The following SRPK2 variants were observed in gnomAD, a reference collection of about 807,000 sequenced individuals.
The protein encoded by SRPK2 is SFRS protein kinase 2.
SRPK2 carries 21 observed loss-of-function variants against 90.8 expected under a neutral mutation model. The ratio of observed to expected loss-of-function variants is 0.23; its 90% CI spans 0.16 to 0.33. The LOEUF (loss-of-function observed/expected upper bound fraction) is 0.33. SRPK2 is among the 10% of genes least tolerant of loss of function. The probability of loss-of-function intolerance (pLI) is 1.00; values close to 1 mark genes in which losing one functional copy is unlikely to be tolerated. For missense variants in SRPK2, 620 were observed against 869.0 expected (o/e 0.71, Z 3.60); for synonymous variants, 288 against 311.1 (o/e 0.93, Z 0.78).
At chr7:105,150,786 G>C (rs569659567) in intron 7 of SRPK2, among the ~76,000 whole-genome samples, 1 of 152,248 alleles carries the variant, frequency 6.6e-6, no homozygotes, top group East Asian at 1.9e-4. Flanking sequence ...AGAGGTCAAA[G>C]GAATACGATT....
intron 2 of SRPK2, among the ~76,000 whole-genome samples, chr7:105,221,656 T>A (rs1042596391): frequency 1.3e-5 from 2 of 152,148 alleles, no homozygotes; most frequent in African/African-American, 4.8e-5. Flanking sequence ...CTCCCTTATA[T>A]AACCCCCTGT....
At chr7:105,329,983 C>T (rs1383714300) in intron 2 of SRPK2, among the ~76,000 whole-genome samples, 1 of 152,000 alleles carries the variant, frequency 6.6e-6, no homozygotes, top group Non-Finnish European at 1.5e-5. Context: ...TGCAGTGAAC[C>T]GAGATCACGT....
chr7:105,268,759 TAGCA>T, intron 2 of SRPK2: 7 of 1,550,592 alleles, frequency 4.5e-6, no homozygotes, highest in Non-Finnish European at 5.3e-6. Context: ...GTTTGTTTCT[TAGCA>T]ATGCTACACC....
chr7:105,168,744 A>AGTGTGTGTGTGT (rs1165915539), intron 4 of SRPK2, among the ~76,000 whole-genome samples: 1 of 25,410 alleles, frequency 3.9e-5, no homozygotes, highest in Non-Finnish European at 1.4e-4. Context: ...ACACGCACCA[A>AGTGTGTGTGTGT]ATGTGTGTGT....
At chr7:105,152,989 G>A (rs140550650) in intron 7 of SRPK2, among the ~76,000 whole-genome samples, 10 of 152,210 alleles carry the variant, frequency 6.6e-5, no homozygotes, top group East Asian at 3.9e-4. Flanking sequence ...AGCCGAGATC[G>A]CGCCACTGCA....
chr7:105,345,382 G>A (rs942987244), intron 2 of SRPK2, among the ~76,000 whole-genome samples: 25 of 152,212 alleles, frequency 1.6e-4, no homozygotes, highest in Admixed American at 1.6e-3. Flanking sequence ...CTTCTCTCCC[G>A]TAGATTGAAA....
chr7:105,216,689 C>T (rs1246804238), intron 2 of SRPK2, among the ~76,000 whole-genome samples: 1 of 151,718 alleles, frequency 6.6e-6, no homozygotes, highest in African/African-American at 2.4e-5. Context: ...GAGAGAGACA[C>T]CACCACAACA....
chr7:105,305,762 T>C (rs948966147), intron 2 of SRPK2, among the ~76,000 whole-genome samples: 4 of 152,160 alleles, frequency 2.6e-5, no homozygotes, highest in African/African-American at 7.2e-5. Context: ...GCATGCAATG[T>C]GCATACACAA....
In SRPK2 at chr7:105,170,781, ACGGGAGGG is replaced by A. The variant is rs1790741320; in HGVS notation, c.230-1524_230-1517del. ...GAAGGAAGGAAGGAAGGAAGGAAGG[ACGGGAGGG>A]AGGGAGGGAGGGAGGGAGAGAGAGA... is the stretch of plus-strand genomic sequence containing the variant. On this transcript the variant is annotated intron_variant, in intron 3 of 15. Transcript: ENST00000393651. Among the ~76,000 whole-genome samples the A allele has an allele frequency of 2.8e-5, 2 of 71,276 alleles. 1 individual carries two copies. Among genetic ancestry groups the A allele is most frequent in the African/African-American group, 1.1e-4 (2 of 17,924 alleles). 46.8% of individuals were successfully genotyped at this position (71,276 alleles called of 152,430 possible).
chr7:105,219,304 G>A (rs1172808887), intron 2 of SRPK2, among the ~76,000 whole-genome samples: 1 of 152,106 alleles, frequency 6.6e-6, no homozygotes, highest in East Asian at 1.9e-4. Context: ...CAGGATCTTA[G>A]TCTCCTTACT....
intron 2 of SRPK2, chr7:105,298,640 T>C (rs1810154679): frequency 1.3e-6 from 1 of 796,988 alleles, no homozygotes; most frequent in East Asian, 1.3e-4. Context: ...AACAAAAGTA[T>C]CAAATAAAAA....
In SRPK2 at chr7:105,385,763, T is replaced by C. The variant is rs75871406; in HGVS notation, c.71+2885A>G. ...TCAACAGCTGGGCATGTTACTTACT[T>C]TTCCTGTGTCCCTGTTTCACCTGTA... On this transcript the variant is annotated intron_variant, in intron 2 of 15. Transcript: ENST00000393651. Among the ~76,000 whole-genome samples the C allele has an allele frequency of 4.8e-3, 735 of 152,290 alleles. 11 individuals carry two copies. In the East Asian group the frequency reaches 0.055, roughly 11 times the overall value.
intron 11 of SRPK2, among the ~76,000 whole-genome samples, chr7:105,139,149 G>C (rs897392707): frequency 4.6e-5 from 7 of 152,190 alleles, no homozygotes; most frequent in Non-Finnish European, 7.3e-5. Context: ...TAGATGATGG[G>C]GAGCTGTGGA....
At chr7:105,150,277 G>A (rs1339096913) in intron 7 of SRPK2, among the ~76,000 whole-genome samples, 4 of 152,208 alleles carry the variant, frequency 2.6e-5, no homozygotes, top group African/African-American at 7.2e-5. Flanking sequence ...CCAGCCCTTC[G>A]GGAAGCCGAG....
intron 2 of SRPK2, among the ~76,000 whole-genome samples, chr7:105,213,902 A>G (rs1797148166): frequency 1.3e-5 from 2 of 152,238 alleles, no homozygotes; most frequent in African/African-American, 4.8e-5. Context: ...CTTTAGATCT[A>G]AAGGCATACA....
chr7:105,159,556 T>C lies in SRPK2; in HGVS notation c.621+951A>G, dbSNP rs1376266994. On this transcript the variant is annotated intron_variant, in intron 7 of 15. Coordinates refer to ENST00000393651, the MANE Select transcript of SRPK2 (RefSeq NM_182692.3). ...ACAAATTCAACAGAAATATCAAAGATGCTTTTACTACACAAATTTAAACTT... is the reference window on the plus strand; with the variant it reads ...ACAAATTCAACAGAAATATCAAAGACGCTTTTACTACACAAATTTAAACTT... 3.3e-5 allele frequency among the ~76,000 whole-genome samples: 5 copies of C among 149,542 alleles called. No homozygotes were observed. In the East Asian group the frequency reaches 9.8e-4, roughly 29 times the overall value.
At chr7:105,251,992 C>A (rs972099342) in intron 2 of SRPK2, among the ~76,000 whole-genome samples, 6 of 152,174 alleles carry the variant, frequency 3.9e-5, no homozygotes, top group African/African-American at 1.4e-4. Context: ...ATTAATTTAT[C>A]TTTCCCTTTA....
chr7:105,341,446 C>T (rs1437796612), intron 2 of SRPK2, among the ~76,000 whole-genome samples: 2 of 150,468 alleles, frequency 1.3e-5, no homozygotes, highest in African/African-American at 4.9e-5. Context: ...GCCAAGGCAG[C>T]TGGATCGCTT....
In SRPK2 at chr7:105,263,834, C is replaced by T. The variant is rs868417890; in HGVS notation, c.72-60049G>A. The stretch of plus-strand genomic sequence containing the variant: ...TATGATCTGGGTACTATTCCATATA[C>T]GTATCTTCAATGAAAATACTAACAA... On this transcript the variant is annotated intron_variant, in intron 2 of 15. Transcript: ENST00000393651. 6.6e-5 allele frequency among the ~76,000 whole-genome samples: 10 copies of T among 152,140 alleles called. No homozygotes were observed. In the East Asian group the frequency reaches 7.7e-4, roughly 12 times the overall value.
Sources: allele counts gnomAD v4.1 joint callset (sites outside exome capture counted in the v4.1 genomes callset), GRCh38; gene constraint gnomAD v4.1.1; transcripts MANE v1.5; gene names NCBI Gene and HGNC (gene_info 2026-07-23, HGNC 2026-07-21).